The following VPS13B variants were observed in gnomAD, a reference collection of about 807,000 sequenced individuals.
The protein encoded by VPS13B is intermembrane lipid transfer protein VPS13B.
In VPS13B, 285 loss-of-function variants were observed where a neutral mutation model predicts 426.4. The ratio of observed to expected loss-of-function variants is 0.67; its 90% CI spans 0.61 to 0.74. The LOEUF is 0.74. Among genes scored for constraint, VPS13B ranks in the 30% least tolerant of loss-of-function variants. The pLI is 0.00. For missense variants in VPS13B, 4,537 were observed against 4,782.6 expected, an observed-to-expected ratio of 0.95 and a Z score of 1.51; for synonymous variants, 1,676 against 1,676.4, an observed-to-expected ratio of 1.00 and a Z score of 0.01.
At chr8:99,413,635 A>C (rs113361276) in intron 21 of VPS13B, among the ~76,000 whole-genome samples, 222 of 152,142 alleles carry the variant, frequency 1.5e-3, no homozygotes, top group African/African-American at 5.0e-3. Flanking sequence ...ATTGTGTCTT[A>C]GTTCTCATTG....
chr8:99,049,998 T>A (rs981517841), intron 3 of VPS13B, among the ~76,000 whole-genome samples: 1 of 151,830 alleles, frequency 6.6e-6, no homozygotes, highest in Non-Finnish European at 1.5e-5. Flanking sequence ...TTCCTTCTTT[T>A]ATTTTTTTTT....
intron 33 of VPS13B, 109 bp from the exon 34 acceptor site, chr8:99,641,702 C>T: frequency 9.2e-7 from 1 of 1,090,662 alleles, no homozygotes; most frequent in Non-Finnish European, 1.3e-6. Flanking sequence ...TTAAGTTATA[C>T]TAGACTCATT....
At chr8:99,822,225 G>T (rs150086236) in intron 50 of VPS13B, among the ~76,000 whole-genome samples, 4 of 152,200 alleles carry the variant, frequency 2.6e-5, no homozygotes, top group African/African-American at 9.6e-5. Context: ...CAGAGTAGTA[G>T]AATTCAGATT....
chr8:99,864,856 T>C (rs1817012711), intron 58 of VPS13B, among the ~76,000 whole-genome samples: 2 of 152,164 alleles, frequency 1.3e-5, no homozygotes, highest in African/African-American at 4.8e-5. Context: ...CGCCTACCCC[T>C]GTGGGGCTCC....
chr8:99,844,582 C>T lies in VPS13B; in HGVS notation c.9943-4194C>T, dbSNP rs907150583. On this transcript the variant is annotated intron_variant, in intron 54 of 61. Coordinates refer to ENST00000357162, the MANE Select transcript of VPS13B (RefSeq NM_152564.5). The stretch of plus-strand genomic sequence containing the variant: ...GAGGTTTTACCATGTGTCAGTCAGG[C>T]TGGTCCCGAACTCCTGATCTCAGGC... Among the ~76,000 whole-genome samples the T allele has an allele frequency of 7.2e-5, 11 of 152,024 alleles. 1 individual carries two copies. Among genetic ancestry groups the T allele is most frequent in the Non-Finnish European group, 1.5e-5 (1 of 67,996 alleles).
intron 21 of VPS13B, among the ~76,000 whole-genome samples, chr8:99,411,638 A>G (rs1452445414): frequency 2.6e-5 from 4 of 152,324 alleles, no homozygotes; most frequent in Middle Eastern, 3.4e-3. Flanking sequence ...GTCTTTGCCC[A>G]TGCCTATGTC....
intron 30 of VPS13B, among the ~76,000 whole-genome samples, chr8:99,529,477 T>A (rs1822819761): frequency 6.6e-6 from 1 of 152,204 alleles, no homozygotes; most frequent in African/African-American, 2.4e-5. Context: ...AAAATATTCA[T>A]CACTATTAAA....
chr8:99,717,389 C>T lies in VPS13B; in HGVS notation c.6657+16C>T. On this transcript the variant is annotated intron_variant, in intron 37 of 61. Coordinates refer to ENST00000357162, the MANE Select transcript of VPS13B (RefSeq NM_152564.5). ...TCTACTACAGGTCTGTGGGTATTGG[C>T]CATATTTTTTTCATAGGTTATTAAC... is the stretch of plus-strand genomic sequence containing the variant. 6.2e-7 allele frequency: 1 copy of T among 1,608,242 alleles called. No homozygotes were observed. Among genetic ancestry groups the T allele is most frequent in the Middle Eastern group, 1.7e-4 (1 of 6,046 alleles).
intron 33 of VPS13B, among the ~76,000 whole-genome samples, chr8:99,630,763 TTC>T (rs1336673629): frequency 6.6e-6 from 1 of 152,254 alleles, no homozygotes; most frequent in East Asian, 1.9e-4. Flanking sequence ...ATTGAAAGTG[TTC>T]TGAGAGTAAT....
intron 7 of VPS13B, among the ~76,000 whole-genome samples, chr8:99,117,275 TA>T (rs891608823): frequency 1.5e-4 from 22 of 151,032 alleles, no homozygotes; most frequent in African/African-American, 4.1e-4. Flanking sequence ...ATGACTATAA[TA>T]AAAAAAAATA....
At chr8:99,236,143 A>C (rs958050950) in intron 17 of VPS13B, among the ~76,000 whole-genome samples, 2 of 152,170 alleles carry the variant, frequency 1.3e-5, no homozygotes, top group African/African-American at 2.4e-5. Context: ...TTCATCCACT[A>C]TCATGGGTCA....
chr8:99,719,124 A>G (rs1833036793), intron 37 of VPS13B, among the ~76,000 whole-genome samples: 1 of 152,338 alleles, frequency 6.6e-6, no homozygotes, highest in East Asian at 1.9e-4. Flanking sequence ...GTATTACTTT[A>G]TCAAGAATAT....
At chr8:99,554,526 C>T (rs1450799613) in intron 30 of VPS13B, among the ~76,000 whole-genome samples, 1 of 152,034 alleles carries the variant, frequency 6.6e-6, no homozygotes, top group African/African-American at 2.4e-5. Flanking sequence ...TGAATTGAAA[C>T]AGCATTTACC....
chr8:99,556,174 A>G (rs1377875408), intron 30 of VPS13B, among the ~76,000 whole-genome samples: 5 of 152,160 alleles, frequency 3.3e-5, no homozygotes, highest in African/African-American at 1.2e-4. Context: ...GAAATCATGT[A>G]TGTGAGAGTA....
intron 17 of VPS13B, among the ~76,000 whole-genome samples, chr8:99,197,928 T>C (rs1814038788): frequency 1.3e-5 from 2 of 152,158 alleles, no homozygotes; most frequent in East Asian, 3.8e-4. Context: ...ATAGTTGTGA[T>C]GGATTCACAA....
In VPS13B at chr8:99,859,477, A is replaced by C. The variant is rs1816716938; in HGVS notation, c.11041A>C (p.Lys3681Gln). Residue 3681 changes from lysine (K) to glutamine (Q), a missense_variant, in exon 57 of 62, where the codon AAA (lysine) becomes CAA (glutamine). Physicochemically the swap from Lys to Gln is moderately conservative, Grantham distance 53. This residue lies in a region of VPS13B where 4,311 missense variants were observed against 4,474.3 expected (regional missense o/e 0.96). Coordinates refer to ENST00000357162, the MANE Select transcript of VPS13B (RefSeq NM_152564.5). ...CACATCGTTTGTAAAGCACATCTCC[A>C]AAGGTAGCGGGTTCCGTTCCTTGTA... ...GTTSFVKHIS[K>Q]GTLTSITNLA... is the part of the protein sequence containing the mutation. The C allele has an allele frequency of 6.2e-7, 1 of 1,612,628 alleles. No homozygotes were observed. Among genetic ancestry groups the C allele is most frequent in the Admixed American group, 1.7e-5 (1 of 59,906 alleles).
intron 19 of VPS13B, among the ~76,000 whole-genome samples, chr8:99,318,401 T>C (rs1285257158): frequency 6.6e-6 from 1 of 152,014 alleles, no homozygotes. Context: ...TATCTATTCC[T>C]GTCCTGTATG....
chr8:99,771,405 T>TA (rs79512129), intron 40 of VPS13B, among the ~76,000 whole-genome samples: 5,816 of 152,314 alleles, frequency 0.038, 120 homozygotes, highest in East Asian at 0.047. Context: ...CTTCATGTGA[T>TA]AAAAATTAAA....
At chr8:99,025,554 T>A (rs2132166314) in intron 2 of VPS13B, among the ~76,000 whole-genome samples, 1 of 152,312 alleles carries the variant, frequency 6.6e-6, no homozygotes, top group East Asian at 1.9e-4. Flanking sequence ...TTGGTTTTGT[T>A]ATTAGGGTAA....
Sources: gnomAD v4.1 joint callset for allele counts (sites outside exome capture counted in the v4.1 genomes callset) on GRCh38, gnomAD v4.1.1 for gene constraint, gnomAD v4.1.1 regional missense constraint, MANE v1.5 for transcripts, NCBI Gene and HGNC (gene_info 2026-07-23, HGNC 2026-07-21) for gene names.